NCBP1: variants seen among roughly 807,000 people sequenced by gnomAD.
NCBP1 encodes the protein nuclear cap-binding protein subunit 1.
A neutral mutation model predicts 111.7 loss-of-function variants in NCBP1; 16 were observed. The observed-to-expected ratio is 0.14, with a 90% CI of 0.10 to 0.22. NCBP1 has a LOEUF of 0.22. NCBP1 is among the 10% of genes least tolerant of loss of function. The pLI is 1.00. For missense variants in NCBP1, 607 were observed against 957.5 expected (o/e 0.63, Z 4.83); for synonymous variants, 304 against 314.3 (o/e 0.97, Z 0.35).
chr9:97,651,014 A>G (rs1827482548), intron 9 of NCBP1, among the ~76,000 whole-genome samples: 1 of 152,132 alleles, frequency 6.6e-6, no homozygotes, highest in Non-Finnish European at 1.5e-5. Context: ...TGAATATAGT[A>G]TTATGAGAGT....
chr9:97,641,576 G>A lies in NCBP1; in HGVS notation c.138G>A (p.Leu46=). The part of the protein sequence containing the change: ...CKVGEKSACS[L]ESNLEGLAGV... ...GTCCTCTACAGAGTGCCTGCTCTTTGGAGAGCAACCTAGAAGGCTTGGCTG... is the reference window on the plus strand; with the variant it reads ...GTCCTCTACAGAGTGCCTGCTCTTTAGAGAGCAACCTAGAAGGCTTGGCTG... The change falls in exon 3 of 23, where the codon TTG becomes TTA. Residue 46 remains leucine (L), a synonymous_variant. Coordinates refer to ENST00000375147, the MANE Select transcript of NCBP1 (RefSeq NM_002486.5). The A allele has an allele frequency of 6.2e-7, 1 of 1,608,456 alleles. No individual in the cohort carries two copies. Among genetic ancestry groups the A allele is most frequent in the South Asian group, 1.1e-5 (1 of 90,762 alleles).
At chr9:97,635,496 C>T (rs766164637) in intron 1 of NCBP1, among the ~76,000 whole-genome samples, 1 of 151,244 alleles carries the variant, frequency 6.6e-6, no homozygotes, top group African/African-American at 2.4e-5. Flanking sequence ...CTGCAACCTC[C>T]GCCTCTCAGG....
chr9:97,641,662 T>C lies in NCBP1; in HGVS notation c.224T>C (p.Val75Ala). Reference sequence around the variant, plus strand: ...AAGATCTTAAGGCTTCTTTGTACAGTGTATGTATGCAAAAGATTTATGAAT... The same window carrying C: ...AAGATCTTAAGGCTTCTTTGTACAGCGTATGTATGCAAAAGATTTATGAAT... ...KSKILRLLCT[V>A]ARLLPEKLTI... is the part of the protein sequence containing the mutation. Residue 75 changes from valine (V) to alanine (A), a missense_variant and splice_region_variant, in exon 3 of 23, where the codon GTT (valine) becomes GCT (alanine). Physicochemically the swap from Val to Ala is moderately conservative, Grantham distance 64. Coordinates refer to ENST00000375147, the MANE Select transcript of NCBP1 (RefSeq NM_002486.5). 6.3e-7 allele frequency: 1 copy of C among 1,599,354 alleles called. No homozygotes were observed. The highest frequency in any genetic ancestry group is 8.5e-7 in the Non-Finnish European group (1 of 1,170,310).
intron 1 of NCBP1, among the ~76,000 whole-genome samples, chr9:97,636,420 C>T (rs1364513777): frequency 1.3e-5 from 2 of 148,940 alleles, no homozygotes; most frequent in African/African-American, 4.9e-5. Context: ...GTATGCTTGA[C>T]TCTCTATATA....
chr9:97,647,543 A>G lies in NCBP1; in HGVS notation c.663A>G (p.Lys221=). The change falls in exon 7 of 23, where the codon AAA becomes AAG. Residue 221 remains lysine, a synonymous_variant. Coordinates refer to ENST00000375147, the MANE Select transcript of NCBP1 (RefSeq NM_002486.5). ...VPMLQVWTAD[K]PHPQEEYLDC... is the part of the protein sequence containing the mutation. ...TGTTACAGGTATGGACTGCTGATAA[A>G]CCACATCCACAAGAAGAGGTAAATG... 1 of 1,612,566 alleles carries G rather than the reference A, an allele frequency of 6.2e-7. No individual in the cohort carries two copies. The highest frequency in any genetic ancestry group is 8.5e-7 in the Non-Finnish European group (1 of 1,178,822).
Position 97,661,065 on chromosome 9 carries a change from G to A in NCBP1, c.1597G>A (p.Asp533Asn), listed in dbSNP as rs368727721. The A allele has an allele frequency of 1.2e-6, 2 of 1,611,822 alleles. No homozygotes were observed. The highest frequency in any genetic ancestry group is 1.7e-6 in the Non-Finnish European group (2 of 1,179,558). ...ACCAAATCCTAACCAGGATGATGAC[G>A]ACGGTAAGTGGAATTCAGTATTTCT... ...DVPNPNQDDD[D>N]DEGFSFNPLK... The change falls in exon 16 of 23, where the codon GAC (aspartate) becomes AAC (asparagine). Residue 533 changes from aspartate to asparagine, a missense_variant. Asp to Asn is a conservative substitution (Grantham distance 23). Transcript: ENST00000375147.
Position 97,669,091 on chromosome 9 carries a change from T to G in NCBP1, c.2145+117T>G, listed in dbSNP as rs915863158. 1.7e-5 allele frequency: 20 copies of G among 1,201,042 alleles called. No homozygotes were observed. The African/African-American group carries it at 2.7e-4, about 16-fold the overall frequency. 74.4% of individuals were successfully genotyped at this position (1,201,042 alleles called of 1,614,324 possible). Reference sequence around the variant, plus strand: ...ATACACATTCATTTATAGAAGAGATTAAAAATACAAAAATTTAGGAAGGAA... The same window carrying G: ...ATACACATTCATTTATAGAAGAGATGAAAAATACAAAAATTTAGGAAGGAA... On this transcript the variant is annotated intron_variant, in intron 21 of 22. Coordinates refer to ENST00000375147, the MANE Select transcript of NCBP1 (RefSeq NM_002486.5).
At chr9:97,633,973 G>C (rs1379142371) in intron 1 of NCBP1, 58 bp downstream of exon 1, 5 of 1,506,434 alleles carry the variant, frequency 3.3e-6, no homozygotes, top group Admixed American at 4.2e-5. Flanking sequence ...GAGGCTCGGC[G>C]TCTTTGGGTG....
Position 97,641,588 on chromosome 9 carries a change from A to G in NCBP1, c.150A>G (p.Leu50=). 1 of 1,610,028 alleles carries G rather than the reference A, an allele frequency of 6.2e-7. No individual in the cohort carries two copies. The highest frequency in any genetic ancestry group is 8.5e-7 in the Non-Finnish European group (1 of 1,176,832). The change falls in exon 3 of 23, where the codon CTA becomes CTG. Residue 50 remains leucine (L), a synonymous_variant. Transcript: ENST00000375147. ...EKSACSLESN[L]EGLAGVLEAD... ...GTGCCTGCTCTTTGGAGAGCAACCTAGAAGGCTTGGCTGGTGTTTTGGAAG... is the reference window on the plus strand; with the variant it reads ...GTGCCTGCTCTTTGGAGAGCAACCTGGAAGGCTTGGCTGGTGTTTTGGAAG...
chr9:97,668,913 T>C lies in NCBP1; in HGVS notation c.2084T>C (p.Leu695Pro). 1 of 1,613,626 alleles carries C rather than the reference T, an allele frequency of 6.2e-7. No homozygotes were observed. Among genetic ancestry groups the C allele is most frequent in the African/African-American group, 1.3e-5 (1 of 74,984 alleles). Residue 695 changes from leucine to proline, a missense_variant, in exon 21 of 23, where the codon CTT becomes CCT. Leu to Pro is a moderately conservative substitution (Grantham distance 98, BLOSUM62 -3). Transcript: ENST00000375147. ...DGVLEEQIER[L>P]QEKVESAQSE... ...GTTCTTGAGGAACAAATAGAACGAC[T>C]TCAGGAAAAAGTGGAATCTGCTCAG... is the stretch of plus-strand genomic sequence containing the variant.
intron 1 of NCBP1, among the ~76,000 whole-genome samples, chr9:97,635,416 T>C (rs1350157645): frequency 3.2e-5 from 3 of 95,024 alleles, no homozygotes; most frequent in Non-Finnish European, 9.4e-5. Context: ...TTCCCTCCCT[T>C]TTTTTTTTTT....
intron 3 of NCBP1, among the ~76,000 whole-genome samples, chr9:97,642,597 T>G (rs531673002): frequency 6.6e-6 from 1 of 152,230 alleles, no homozygotes; most frequent in East Asian, 1.9e-4. Flanking sequence ...TCAGCACACT[T>G]GGAGTAAGCA....
chr9:97,654,043 T>C, intron 11 of NCBP1, 135 bp downstream of exon 11: 1 of 619,366 alleles, frequency 1.6e-6, no homozygotes, highest in South Asian at 2.2e-5. Flanking sequence ...GTGTATTACA[T>C]GTATGTACTT....
intron 1 of NCBP1, 85 bp downstream of exon 1, chr9:97,634,000 G>C: frequency 7.1e-7 from 1 of 1,400,298 alleles, no homozygotes; most frequent in Non-Finnish European, 9.5e-7. Context: ...GAAGAGACTG[G>C]AAGCTCTTCT....
intron 22 of NCBP1, 135 bp from the exon 23 acceptor site, chr9:97,670,951 G>A (rs2805837): frequency 0.65 from 330,176 of 509,026 alleles, 108,991 homozygotes; most frequent in African/African-American, 0.77. Flanking sequence ...GGGGTCCATT[G>A]TTCCTATCAG....
intron 2 of NCBP1, 73 bp from the exon 3 acceptor site, chr9:97,641,489 T>A: frequency 1.7e-6 from 2 of 1,165,806 alleles, no homozygotes; most frequent in Non-Finnish European, 2.3e-6. Flanking sequence ...TATATTTACA[T>A]TTAAATAGAT....
At chr9:97,662,430 T>C (rs1827866362) in intron 17 of NCBP1, among the ~76,000 whole-genome samples, 1 of 152,166 alleles carries the variant, frequency 6.6e-6, no homozygotes, top group South Asian at 2.1e-4. Context: ...AGTTGGAAGT[T>C]CCCACGCTAA....
At position 97,655,994 on chromosome 9, in the gene NCBP1, C is replaced by A. The variant is rs1827641602; in HGVS notation, c.1299-17C>A. On this transcript the variant is annotated splice_polypyrimidine_tract_variant and intron_variant, in intron 13 of 22. Coordinates refer to ENST00000375147, the MANE Select transcript of NCBP1 (RefSeq NM_002486.5). ...AGATTATATGTAAGCATTGATAAAA[C>A]TACATTTCCTCCTTAGGTCAGATTG... 1 of 1,608,764 alleles carries A rather than the reference C, an allele frequency of 6.2e-7. No homozygotes were observed. The highest frequency in any genetic ancestry group is 1.3e-5 in the African/African-American group (1 of 74,792).
chr9:97,643,085 A>C (rs1827245071), intron 3 of NCBP1, 119 bp from the exon 4 acceptor site: 3 of 976,418 alleles, frequency 3.1e-6, no homozygotes, highest in Non-Finnish European at 4.4e-6. Flanking sequence ...ATTTTTAAAG[A>C]CATAGCTAAA....
Sources: allele counts gnomAD v4.1 joint callset (sites outside exome capture counted in the v4.1 genomes callset), GRCh38; gene constraint gnomAD v4.1.1; transcripts MANE v1.5; gene names NCBI Gene and HGNC (gene_info 2026-07-23, HGNC 2026-07-21).